The following KAZN variants were observed in gnomAD, a reference collection of about 807,000 sequenced individuals.
KAZN encodes kazrin, periplakin interacting protein.
A neutral mutation model predicts 87.4 loss-of-function variants in KAZN; 40 were observed. The observed-to-expected ratio is 0.46, with a 90% CI of 0.36 to 0.60. The LOEUF is 0.60. Among genes scored for constraint, KAZN ranks in the 20% least tolerant of loss-of-function variants. The pLI is 0.00. For synonymous variants in KAZN, 466 were observed against 458.3 expected, an observed-to-expected ratio of 1.02 and a Z score of -0.22; for missense variants, 898 against 1,073.9, an observed-to-expected ratio of 0.84 and a Z score of 2.29.
chr1:14,730,338 T>C (rs1488479571), intron 1 of KAZN, among the ~76,000 whole-genome samples: 1 of 152,170 alleles, frequency 6.6e-6, no homozygotes, highest in African/African-American at 2.4e-5. Flanking sequence ...CGCCTCGGCT[T>C]CCCAAAGTGC....
chr1:14,038,633 G>A (rs1217519579), intron 1 of KAZN, among the ~76,000 whole-genome samples: 1 of 152,122 alleles, frequency 6.6e-6, no homozygotes, highest in African/African-American at 2.4e-5. Context: ...TTCCTCCCTG[G>A]GCTCCACTGA....
chr1:14,098,974 A>T (rs75597934), intron 1 of KAZN, among the ~76,000 whole-genome samples: 7,281 of 152,076 alleles, frequency 0.048, 535 homozygotes, highest in African/African-American at 0.16. Context: ...GGCTTTTACC[A>T]TCTTCTCTTA....
intron 1 of KAZN, among the ~76,000 whole-genome samples, chr1:14,829,853 C>T (rs1647005459): frequency 6.6e-6 from 1 of 152,234 alleles, no homozygotes; most frequent in South Asian, 2.1e-4. Context: ...GTTTAGACTT[C>T]GTCCAAAGGT....
At chr1:14,051,038 C>G (rs900233632) in intron 1 of KAZN, among the ~76,000 whole-genome samples, 9 of 151,954 alleles carry the variant, frequency 5.9e-5, no homozygotes, top group African/African-American at 1.2e-4. Context: ...AGGGAGGCTT[C>G]AGCAAAACTG....
intron 1 of KAZN, among the ~76,000 whole-genome samples, chr1:14,764,324 C>A (rs1300541386): frequency 1.3e-5 from 2 of 151,950 alleles, no homozygotes; most frequent in Non-Finnish European, 2.9e-5. Flanking sequence ...TCCCAATAAG[C>A]CTTCTCCTGA....
rs79060551 is a variant in KAZN, at chr1:14,735,725, G to T, written c.226+136502G>T. On this transcript the variant is annotated intron_variant, in intron 1 of 14. Transcript: ENST00000376030. The surrounding 1 kb of genome is among the most constrained non-coding windows in gnomAD (Gnocchi z 4.3). ...TTCCAGATTTCCAAAGCGGCATGCC[G>T]GGTAATAGCCACTCTTGCACGGCAA... 6.6e-6 allele frequency among the ~76,000 whole-genome samples: 1 copy of T among 152,162 alleles called. No homozygotes were observed. The highest frequency in any genetic ancestry group is 1.5e-5 in the Non-Finnish European group (1 of 68,036).
At chr1:14,978,516 T>C (rs2101882191) in intron 2 of KAZN, among the ~76,000 whole-genome samples, 1 of 152,298 alleles carries the variant, frequency 6.6e-6, no homozygotes, top group African/African-American at 2.4e-5. Context: ...TTTTTGGGGA[T>C]CTTGCAGACC....
intron 1 of KAZN, among the ~76,000 whole-genome samples, chr1:14,605,251 A>G (rs1014857307): frequency 1.3e-5 from 2 of 152,196 alleles, no homozygotes; most frequent in Non-Finnish European, 2.9e-5. Flanking sequence ...TGCTTTGGTC[A>G]AACTTTTTAA....
rs1643707200 is a variant in KAZN, at chr1:14,732,168, CATTT to C, written c.226+132946_226+132949del. On this transcript the variant is annotated intron_variant, in intron 1 of 14. Coordinates refer to ENST00000376030, the MANE Select transcript of KAZN (RefSeq NM_201628.3). ...TCCGCTACATTCCCTTTGATGACAG[CATTT>C]GTTTGTGAAACTGGGTATTGGCCGT... is the stretch of plus-strand genomic sequence containing the variant. Among the ~76,000 whole-genome samples the C allele has an allele frequency of 2.6e-5, 4 of 152,288 alleles. No homozygotes were observed. The South Asian group carries it at 8.3e-4, about 32-fold the overall frequency.
At chr1:14,734,465 G>A (rs1281162281) in intron 1 of KAZN, among the ~76,000 whole-genome samples, 2 of 151,972 alleles carry the variant, frequency 1.3e-5, no homozygotes, top group Admixed American at 6.5e-5. Flanking sequence ...CACCACGCTC[G>A]ACTAATTTTT....
intron 1 of KAZN, among the ~76,000 whole-genome samples, chr1:14,889,551 C>T (rs145275207): frequency 9.6e-4 from 146 of 152,296 alleles, no homozygotes; most frequent in Middle Eastern, 3.4e-3. Flanking sequence ...GTGTACTTAG[C>T]ACTCACTGTC....
At chr1:14,259,888 T>G (rs1344164583) in intron 2 of KAZN, among the ~76,000 whole-genome samples, 3 of 152,206 alleles carry the variant, frequency 2.0e-5, no homozygotes, top group African/African-American at 7.2e-5. Flanking sequence ...GCTGCAGAGA[T>G]ATTGATCACT....
At chr1:14,767,903 A>AT (rs1644926092) in intron 1 of KAZN, among the ~76,000 whole-genome samples, 1 of 152,158 alleles carries the variant, frequency 6.6e-6, no homozygotes, top group African/African-American at 2.4e-5. Flanking sequence ...AATAAGTGTC[A>AT]TTTTCATTCC....
At chr1:14,587,915 C>CTTCATTACA (rs1439536488) in intron 2 of KAZN, among the ~76,000 whole-genome samples, 8 of 152,118 alleles carry the variant, frequency 5.3e-5, no homozygotes, top group African/African-American at 1.9e-4. Flanking sequence ...TGAATCCCAT[C>CTTCATTACA]TTCATTACAT....
chr1:14,202,806 C>G (rs1405515937), intron 2 of KAZN, among the ~76,000 whole-genome samples: 1 of 152,030 alleles, frequency 6.6e-6, no homozygotes, highest in Non-Finnish European at 1.5e-5. Flanking sequence ...CACCTGAGAT[C>G]AGGAGATCGA....
At chr1:14,302,462 G>A (rs367919830) in intron 2 of KAZN, among the ~76,000 whole-genome samples, 3 of 152,142 alleles carry the variant, frequency 2.0e-5, no homozygotes, top group Admixed American at 6.6e-5. Context: ...AAGATGAGTC[G>A]AGATATGTGT....
chr1:14,070,160 T>C (rs1259932618), intron 1 of KAZN, among the ~76,000 whole-genome samples: 1 of 43,612 alleles, frequency 2.3e-5, no homozygotes, highest in Admixed American at 2.1e-4. Flanking sequence ...AGTGCGAGAC[T>C]CCATCTCAAA....
intron 1 of KAZN, among the ~76,000 whole-genome samples, chr1:14,648,879 C>T (rs992339785): frequency 2.9e-4 from 44 of 152,286 alleles, no homozygotes; most frequent in African/African-American, 8.2e-4. Context: ...GGGCATGAGA[C>T]GTTCTGCCCT....
chr1:15,018,034 T>A (rs1670300957), intron 2 of KAZN, among the ~76,000 whole-genome samples: 1 of 152,176 alleles, frequency 6.6e-6, no homozygotes, highest in South Asian at 2.1e-4. Flanking sequence ...CTGATCTCCC[T>A]GGCTTCCCCC....
Sources: gnomAD v4.1 joint callset for allele counts (sites outside exome capture counted in the v4.1 genomes callset) on GRCh38, gnomAD v4.1.1 for gene constraint, Gnocchi (gnomAD v3.1) non-coding constraint, MANE v1.5 for transcripts, NCBI Gene and HGNC (gene_info 2026-07-23, HGNC 2026-07-21) for gene names.